CFLAR: variants seen among roughly 807,000 people sequenced by gnomAD.
The protein encoded by CFLAR is CASP8 and FADD like apoptosis regulator, also known as CASP8 and FADD-like apoptosis regulator.
A neutral mutation model predicts 51.1 loss-of-function variants in CFLAR; 14 were observed. The ratio of observed to expected loss-of-function variants is 0.27; its 90% CI spans 0.18 to 0.43. The LOEUF (loss-of-function observed/expected upper bound fraction) is 0.43. Ranked by LOEUF, CFLAR falls within the 20% of genes least tolerant of loss-of-function variation. CFLAR has a pLI of 1.00. For missense variants in CFLAR, 390 were observed against 566.5 expected (o/e 0.69, Z 3.16); for synonymous variants, 210 against 211.6 (o/e 0.99, Z 0.06).
At chr2:201,145,280 G>A (rs1272913453) in intron 5 of CFLAR, 98 bp from the exon 6 acceptor site, 1 of 662,596 alleles carries the variant, frequency 1.5e-6, no homozygotes. Context: ...TTTTTTTCCT[G>A]AGTTAAGAAT....
rs2049077269 is a variant in CFLAR, at chr2:201,129,952, T to C, written c.87T>C (p.Ala29=). 1 of 1,614,194 alleles carries C rather than the reference T, an allele frequency of 6.2e-7. No homozygotes were observed. The highest frequency in any genetic ancestry group is 1.1e-5 in the South Asian group (1 of 91,082). Reference sequence around the variant, plus strand: ...TGCTCTTTTTGTGCCGGGATGTTGCTATAGATGTGGTTCCACCTAATGTCA... The same window carrying C: ...TGCTCTTTTTGTGCCGGGATGTTGCCATAGATGTGGTTCCACCTAATGTCA... ...EMLLFLCRDV[A]IDVVPPNVRD... The change falls in exon 2 of 10, where the codon GCT becomes GCC. Residue 29 remains alanine (A), a synonymous_variant. Transcript: ENST00000309955.
chr2:201,136,356 T>G, intron 4 of CFLAR: 1 of 1,598,484 alleles, frequency 6.3e-7, no homozygotes, highest in South Asian at 1.1e-5. Context: ...CATTTCAGTC[T>G]TCAAGAAAGA....
chr2:201,141,570 G>T, intron 5 of CFLAR: 3 of 1,308,754 alleles, frequency 2.3e-6, no homozygotes, highest in South Asian at 2.2e-5. Context: ...TACTAATAAT[G>T]CTATAAAATA....
intron 2 of CFLAR, among the ~76,000 whole-genome samples, chr2:201,130,619 G>T (rs375341188): frequency 6.6e-6 from 1 of 151,998 alleles, no homozygotes; most frequent in Non-Finnish European, 1.5e-5. Flanking sequence ...ACCTGCCTTG[G>T]CTTCCCAAAA....
At position 201,165,241 on chromosome 2, in the gene CFLAR, C is replaced by CTTATTATTATTA. The variant is rs66478558; in HGVS notation, c.*1304_*1315dup. The stretch of plus-strand genomic sequence containing the variant: ...ATTGTTTGAAATATCATTAGAGTTG[C>CTTATTATTATTA]TTATTATTATTATTATTATTATTAT... On this transcript the variant is annotated 3_prime_UTR_variant, in exon 10 of 10. Transcript: ENST00000309955. 1 of 140,876 alleles carries CTTATTATTATTA rather than the reference C, an allele frequency of 7.1e-6. No individual in the cohort carries two copies. The highest frequency in any genetic ancestry group is 2.6e-5 in the African/African-American group (1 of 37,830). 8.7% of individuals were successfully genotyped at this position (140,876 alleles called of 1,614,324 possible).
Position 201,138,920 on chromosome 2 carries a change from G to C in CFLAR, c.524-1437G>C, listed in dbSNP as rs1559203108. On this transcript the variant is annotated intron_variant, in intron 4 of 9. Coordinates refer to ENST00000309955, the MANE Select transcript of CFLAR (RefSeq NM_003879.7). The surrounding 1 kb of genome is among the most constrained non-coding windows in gnomAD (Gnocchi z 4.0). ...GGCTGAGGTCAGGTCCACCTCATCA[G>C]CTATGAAGTCTATGAATCCTGGGAG... is the stretch of plus-strand genomic sequence containing the variant. 2 of 651,394 alleles carry C rather than the reference G, an allele frequency of 3.1e-6. No individual in the cohort carries two copies. Among genetic ancestry groups the C allele is most frequent in the Non-Finnish European group, 5.8e-6 (2 of 345,270 alleles). 40.4% of individuals were successfully genotyped at this position (651,394 alleles called of 1,614,324 possible).
Position 201,138,017 on chromosome 2 carries a change from G to A in CFLAR, c.523+1910G>A, listed in dbSNP as rs2050376800. 4 of 732,182 alleles carry A rather than the reference G, an allele frequency of 5.5e-6. No homozygotes were observed. The highest frequency in any genetic ancestry group is 1.9e-5 in the Admixed American group (1 of 53,582). The allele number at this position is 732,182 out of a possible 1,614,324, so 45.4% of individuals were successfully genotyped here. ...AGTTCTGGGTATGCTTGGCCACCTT[G>A]TACACAGCAGTGCCCTGGGGCTGAC... On this transcript the variant is annotated intron_variant, in intron 4 of 9. Transcript: ENST00000309955. The surrounding 1 kb of genome is among the most constrained non-coding windows in gnomAD (Gnocchi z 4.0).
At chr2:201,154,773 A>T (rs1287651096) in intron 8 of CFLAR, among the ~76,000 whole-genome samples, 2 of 152,254 alleles carry the variant, frequency 1.3e-5, no homozygotes, top group Non-Finnish European at 2.9e-5. Context: ...TCCCCCAAGT[A>T]TTTAAAGCTT....
At chr2:201,123,850 C>T (rs1345158391) in intron 1 of CFLAR, among the ~76,000 whole-genome samples, 1 of 152,182 alleles carries the variant, frequency 6.6e-6, no homozygotes, top group Non-Finnish European at 1.5e-5. Flanking sequence ...AATTGTGCAA[C>T]CTCTTCTGCT....
chr2:201,172,945 C>T lies in CFLAR; in HGVS notation c.*8972C>T, dbSNP rs1944098622. The T allele has an allele frequency of 1.3e-5, 2 of 152,212 alleles. No individual in the cohort carries two copies. The highest frequency in any genetic ancestry group is 4.8e-5 in the African/African-American group (2 of 41,454). 9.4% of individuals were successfully genotyped at this position (152,212 alleles called of 1,614,324 possible). On this transcript the variant is annotated 3_prime_UTR_variant, in exon 10 of 10. Coordinates refer to ENST00000309955, the MANE Select transcript of CFLAR (RefSeq NM_003879.7). Reference sequence around the variant, plus strand: ...TGAGAGTGCTCATCATATAGTAACTCTATGTTTAGCCTTTTGAGGAACTGC... The same window carrying T: ...TGAGAGTGCTCATCATATAGTAACTTTATGTTTAGCCTTTTGAGGAACTGC...
intron 6 of CFLAR, 139 bp downstream of exon 6, chr2:201,145,571 T>TA (rs1939963598): frequency 1.6e-6 from 1 of 620,326 alleles, no homozygotes; most frequent in Non-Finnish European, 2.9e-6. Flanking sequence ...GTTAAACTCT[T>TA]ACGATAGACT....
Position 201,166,989 on chromosome 2 carries a change from T to G in CFLAR, c.*3016T>G, listed in dbSNP as rs1476653306. On this transcript the variant is annotated 3_prime_UTR_variant, in exon 10 of 10. Coordinates refer to ENST00000309955, the MANE Select transcript of CFLAR (RefSeq NM_003879.7). Reference sequence around the variant, plus strand: ...AAGAGAGGGAGGGGGAGAGGGCTATTTTTAAAATTTTTTAAAATTGCTGAA... The same window carrying G: ...AAGAGAGGGAGGGGGAGAGGGCTATGTTTAAAATTTTTTAAAATTGCTGAA... The G allele has an allele frequency of 1.4e-5, 2 of 144,820 alleles. No homozygotes were observed. Among genetic ancestry groups the G allele is most frequent in the African/African-American group, 5.1e-5 (2 of 39,108 alleles). 9.0% of individuals were successfully genotyped at this position (144,820 alleles called of 1,614,324 possible). A position where few individuals can be genotyped will look rare whatever the true frequency, so the allele number is the denominator to read the frequency against.
Position 201,145,616 on chromosome 2 carries a change from A to G in CFLAR, c.661+184A>G, listed in dbSNP as rs948742395. 7 of 564,256 alleles carry G rather than the reference A, an allele frequency of 1.2e-5. No individual in the cohort carries two copies. In the Admixed American group the frequency reaches 1.3e-4, roughly 10 times the overall value. The allele number at this position is 564,256 out of a possible 1,614,324, so 35.0% of individuals were successfully genotyped here. On this transcript the variant is annotated intron_variant, in intron 6 of 9. Transcript: ENST00000309955. ...TTCTAGTTGTCTATTGAATTAGCTT[A>G]TCTAAGTTTGAACACCATCGTACTC...
intron 3 of CFLAR, among the ~76,000 whole-genome samples, chr2:201,133,779 A>G (rs758752185): frequency 4.9e-4 from 75 of 151,900 alleles, no homozygotes; most frequent in Non-Finnish European, 9.1e-4. Flanking sequence ...AAATACAAAA[A>G]AAGTAGCCGG....
chr2:201,149,401 C>T (rs910697658), intron 7 of CFLAR: 5 of 293,964 alleles, frequency 1.7e-5, no homozygotes, highest in Non-Finnish European at 3.2e-5. Flanking sequence ...TAGAAGGGCT[C>T]CCTTTGTACT....
chr2:201,133,226 G>GACT, intron 3 of CFLAR, 92 bp downstream of exon 3: 4 of 878,918 alleles, frequency 4.6e-6, no homozygotes, highest in Non-Finnish European at 7.4e-6. Flanking sequence ...CAGGCAGTCT[G>GACT]CCGCCACTAT....
intron 5 of CFLAR, chr2:201,144,358 C>T (rs1233581131): frequency 2.0e-5 from 3 of 152,168 alleles, no homozygotes; most frequent in African/African-American, 7.2e-5. Context: ...CTTACTCTAG[C>T]CCTCAGAAGT....
At chr2:201,162,908 G>A (rs1256541208) in intron 9 of CFLAR, 2 of 655,244 alleles carry the variant, frequency 3.1e-6, no homozygotes, top group Non-Finnish European at 5.6e-6. Context: ...TCAATCTTCA[G>A]TTGTTGCACA....
intron 4 of CFLAR, chr2:201,137,195 C>A: frequency 4.9e-6 from 1 of 202,590 alleles, no homozygotes; most frequent in Non-Finnish European, 1.0e-5. Flanking sequence ...CAGGAGGGGC[C>A]GTCTGCCCCT....
Sources: gnomAD v4.1 joint callset for allele counts (sites outside exome capture counted in the v4.1 genomes callset) on GRCh38, gnomAD v4.1.1 for gene constraint, Gnocchi (gnomAD v3.1) non-coding constraint, MANE v1.5 for transcripts, NCBI Gene and HGNC (gene_info 2026-07-23, HGNC 2026-07-21) for gene names.